Variants in IL1RAPL2 observed in about 807,000 individuals in gnomAD.
IL1RAPL2 encodes X-linked interleukin-1 receptor accessory protein-like 2.
A neutral mutation model predicts 44.1 loss-of-function variants in IL1RAPL2; 3 were observed. The ratio of observed to expected loss-of-function variants is 0.07; its 90% CI spans 0.03 to 0.18. The LOEUF (loss-of-function observed/expected upper bound fraction) is 0.18. Among genes scored for constraint, IL1RAPL2 ranks in the 10% least tolerant of loss-of-function variants. IL1RAPL2 has a pLI of 1.00. For synonymous variants in IL1RAPL2, 181 were observed against 178.8 expected, an observed-to-expected ratio of 1.01 and a Z score of -0.10; for missense variants, 391 against 496.4, an observed-to-expected ratio of 0.79 and a Z score of 2.02.
intron 2 of IL1RAPL2, among the ~76,000 whole-genome samples, chrX:104,775,823 GT>G (rs770124748): frequency 3.6e-5 from 4 of 110,110 alleles, no homozygotes; most frequent in Non-Finnish European, 7.6e-5. Context: ...GTTAAGCCAC[GT>G]TTTCCAAGAC....
chrX:104,747,270 T>C (rs1932189576), intron 2 of IL1RAPL2, among the ~76,000 whole-genome samples: 1 of 111,547 alleles, frequency 9.0e-6, no homozygotes, highest in Non-Finnish European at 1.9e-5. Flanking sequence ...AATCTTCCTT[T>C]ATGTGTATTC....
At chrX:104,732,397 A>T (rs2147572768) in intron 2 of IL1RAPL2, among the ~76,000 whole-genome samples, 1 of 112,208 alleles carries the variant, frequency 8.9e-6, no homozygotes, top group South Asian at 3.7e-4. Context: ...CTGATTTTAC[A>T]AAAAGACTTG....
chrX:104,635,108 A>G (rs1175112465), intron 1 of IL1RAPL2, among the ~76,000 whole-genome samples: 10 of 110,734 alleles, frequency 9.0e-5, no homozygotes, highest in Non-Finnish European at 1.1e-4. Context: ...ATGAAGCTTA[A>G]TTTGGCTGGA....
intron 3 of IL1RAPL2, among the ~76,000 whole-genome samples, chrX:105,211,750 G>A (rs113489235): frequency 9.0e-5 from 10 of 110,990 alleles, no homozygotes; most frequent in African/African-American, 3.3e-4. Flanking sequence ...AAGAAGGCAG[G>A]TGATTTCTGC....
intron 5 of IL1RAPL2, among the ~76,000 whole-genome samples, chrX:105,430,677 TTCTATATTCATCATG>T (rs759344459): frequency 7.2e-5 from 8 of 111,408 alleles, no homozygotes; most frequent in Admixed American, 9.6e-5. Flanking sequence ...TCATTAAAAT[TTCTATATTCATCATG>T]TCTATATTCA....
At chrX:105,271,384 A>T (rs2034445150) in intron 5 of IL1RAPL2, among the ~76,000 whole-genome samples, 1 of 112,085 alleles carries the variant, frequency 8.9e-6, no homozygotes, top group African/African-American at 3.2e-5. Context: ...CGACAGTTTT[A>T]TTTCCCACAG....
chrX:105,370,463 G>A (rs1602380939), intron 5 of IL1RAPL2, among the ~76,000 whole-genome samples: 1 of 111,616 alleles, frequency 9.0e-6, no homozygotes, highest in Non-Finnish European at 1.9e-5. Flanking sequence ...TCTTGTAAGT[G>A]AGAACATGTG....
At chrX:105,292,580 C>T (rs1169241917) in intron 5 of IL1RAPL2, among the ~76,000 whole-genome samples, 1 of 111,709 alleles carries the variant, frequency 9.0e-6, no homozygotes, top group African/African-American at 3.2e-5. Flanking sequence ...TCTGATAAGC[C>T]AGGCATTAAA....
chrX:105,332,826 G>A (rs2034997278), intron 5 of IL1RAPL2, among the ~76,000 whole-genome samples: 1 of 111,061 alleles, frequency 9.0e-6, no homozygotes, highest in Non-Finnish European at 1.9e-5. Context: ...GAAGTTCTCC[G>A]TAATGAAAAC....
At chrX:104,889,202 A>G (rs1345956203) in intron 2 of IL1RAPL2, among the ~76,000 whole-genome samples, 1 of 111,203 alleles carries the variant, frequency 9.0e-6, no homozygotes, top group Non-Finnish European at 1.9e-5. Flanking sequence ...TCCCTGCATG[A>G]CCATTCACCC....
At chrX:105,162,233 C>A (rs2033332262) in intron 2 of IL1RAPL2, among the ~76,000 whole-genome samples, 1 of 112,076 alleles carries the variant, frequency 8.9e-6, no homozygotes, top group Non-Finnish European at 1.9e-5. Context: ...ACCGTGAACT[C>A]TCTGTCTACC....
intron 2 of IL1RAPL2, among the ~76,000 whole-genome samples, chrX:104,885,660 G>GA (rs1309461655): frequency 8.9e-6 from 1 of 111,978 alleles, no homozygotes; most frequent in African/African-American, 3.2e-5. Context: ...GGCCCAAAAG[G>GA]AAAAAGCTAG....
intron 6 of IL1RAPL2, among the ~76,000 whole-genome samples, chrX:105,487,357 A>G (rs886720942): frequency 9.0e-6 from 1 of 111,676 alleles, no homozygotes; most frequent in Non-Finnish European, 1.9e-5. Flanking sequence ...CCTGTATTCT[A>G]ACATAGATAT....
intron 8 of IL1RAPL2, among the ~76,000 whole-genome samples, chrX:105,742,252 A>G (rs1304235526): frequency 9.0e-6 from 1 of 111,528 alleles, no homozygotes; most frequent in African/African-American, 3.3e-5. Flanking sequence ...AGAATGCTGA[A>G]TAAGATAGAC....
chrX:105,142,564 G>A (rs1176056533), intron 2 of IL1RAPL2, among the ~76,000 whole-genome samples: 4 of 109,685 alleles, frequency 3.6e-5, no homozygotes, highest in East Asian at 5.7e-4. Context: ...TAGTTTCTTC[G>A]TATCTTCAGT....
At chrX:105,312,196 T>C (rs2034803433) in intron 5 of IL1RAPL2, among the ~76,000 whole-genome samples, 2 of 111,627 alleles carry the variant, frequency 1.8e-5, no homozygotes, top group African/African-American at 6.5e-5. Flanking sequence ...GGATGGATTA[T>C]GGAATGGATG....
chrX:104,815,010 G>A (rs181823996), intron 2 of IL1RAPL2, among the ~76,000 whole-genome samples: 6 of 112,179 alleles, frequency 5.3e-5, no homozygotes, highest in Admixed American at 1.9e-4. Context: ...TGGCAAGTGC[G>A]GAGCAAGGAG....
intron 6 of IL1RAPL2, 70 bp from the exon 7 acceptor site, chrX:105,717,297 A>G: frequency 1.0e-6 from 1 of 975,873 alleles, no homozygotes. Flanking sequence ...TTTGGATGTT[A>G]AATGGTCGCT....
At chrX:104,793,351 T>C (rs752973577) in intron 2 of IL1RAPL2, among the ~76,000 whole-genome samples, 71 of 112,041 alleles carry the variant, frequency 6.3e-4, no homozygotes, top group Non-Finnish European at 1.2e-3. Context: ...TTCACCATTA[T>C]ATCACCAGTG....
Sources: gnomAD v4.1 joint callset for allele counts (sites outside exome capture counted in the v4.1 genomes callset) on GRCh38, gnomAD v4.1.1 for gene constraint, MANE v1.5 for transcripts, NCBI Gene and HGNC (gene_info 2026-07-23, HGNC 2026-07-21) for gene names.